RALGPS2: variants seen among roughly 807,000 people sequenced by gnomAD.
RALGPS2 encodes Ral GEF with PH domain and SH3 binding motif 2.
In RALGPS2, 43 loss-of-function variants were observed where a neutral mutation model predicts 86.8. The observed-to-expected ratio is 0.50, with a 90% confidence interval of 0.39 to 0.64. The LOEUF (loss-of-function observed/expected upper bound fraction) is 0.64, where lower values mean the gene tolerates loss of function less well. Ranked by LOEUF, RALGPS2 falls within the 30% of genes least tolerant of loss-of-function variation. The pLI, the probability that RALGPS2 is intolerant of heterozygous loss-of-function variation, is 0.00. For missense variants in RALGPS2, 536 were observed against 694.6 expected (o/e 0.77, Z 2.57); for synonymous variants, 243 against 231.3 (o/e 1.05, Z -0.46).
chr1:178,811,515 A>C (rs12131426), intron 6 of RALGPS2, 111 bp downstream of exon 6: 1 of 780,808 alleles, frequency 1.3e-6, no homozygotes, highest in Non-Finnish European at 2.0e-6. Context: ...GAAAAATAAG[A>C]CTCATTGATA....
At chr1:178,849,347 A>C (rs938683689) in intron 8 of RALGPS2, among the ~76,000 whole-genome samples, 1 of 152,228 alleles carries the variant, frequency 6.6e-6, no homozygotes, top group African/African-American at 2.4e-5. Flanking sequence ...AGAGTAAAAT[A>C]AATCAGCTCT....
chr1:178,753,327 A>G (rs970480076), intron 1 of RALGPS2, among the ~76,000 whole-genome samples: 3 of 152,120 alleles, frequency 2.0e-5, no homozygotes, highest in Non-Finnish European at 4.4e-5. Flanking sequence ...ATGATTCTCT[A>G]TGGTATTTGG....
At chr1:178,911,420 T>C (rs1660619177) in intron 19 of RALGPS2, among the ~76,000 whole-genome samples, 1 of 152,150 alleles carries the variant, frequency 6.6e-6, no homozygotes, top group South Asian at 2.1e-4. Context: ...GTCTCTGTTT[T>C]CCTTAGTTTT....
intron 1 of RALGPS2, among the ~76,000 whole-genome samples, chr1:178,751,296 T>G (rs1365982399): frequency 6.6e-6 from 1 of 152,182 alleles, no homozygotes; most frequent in Non-Finnish European, 1.5e-5. Flanking sequence ...CATTTTCTAC[T>G]TGTTAAGACT....
chr1:178,822,705 T>G (rs945286942), intron 7 of RALGPS2, among the ~76,000 whole-genome samples: 1 of 152,152 alleles, frequency 6.6e-6, no homozygotes, highest in African/African-American at 2.4e-5. Flanking sequence ...CTTTAAAAAT[T>G]CTTTTTAATA....
At chr1:178,772,426 A>G (rs774785972) in intron 1 of RALGPS2, among the ~76,000 whole-genome samples, 17 of 152,164 alleles carry the variant, frequency 1.1e-4, no homozygotes, top group Non-Finnish European at 2.4e-4. Context: ...GTTAACCTAT[A>G]TTCGTATTTT....
chr1:178,885,313 TC>T, intron 12 of RALGPS2, 102 bp downstream of exon 12: 3 of 1,184,174 alleles, frequency 2.5e-6, no homozygotes, highest in Non-Finnish European at 3.4e-6. Context: ...TGAATAGTTT[TC>T]TTTTTTCTTA....
intron 7 of RALGPS2, 63 bp downstream of exon 7, chr1:178,821,767 T>C (rs1655519680): frequency 1.6e-6 from 2 of 1,230,230 alleles, no homozygotes; most frequent in Admixed American, 1.9e-5. Flanking sequence ...GATATATTCA[T>C]TTCCTTTGTA....
At chr1:178,828,822 G>T (rs1452535657) in intron 7 of RALGPS2, among the ~76,000 whole-genome samples, 1 of 152,190 alleles carries the variant, frequency 6.6e-6, no homozygotes, top group Non-Finnish European at 1.5e-5. Context: ...TACAGTGTTG[G>T]TGGGAATGTA....
At chr1:178,745,722 TTA>T (rs1461134178) in intron 1 of RALGPS2, among the ~76,000 whole-genome samples, 1 of 152,188 alleles carries the variant, frequency 6.6e-6, no homozygotes, top group Non-Finnish European at 1.5e-5. Flanking sequence ...AAAATTATTT[TTA>T]GTTACAACAC....
chr1:178,730,839 T>A (rs528324434), intron 1 of RALGPS2, among the ~76,000 whole-genome samples: 1 of 152,044 alleles, frequency 6.6e-6, no homozygotes, highest in Non-Finnish European at 1.5e-5. Context: ...GTAGCTGGGA[T>A]TACAGGCATG....
chr1:178,880,226 ACTTC>A (rs1659185995), intron 10 of RALGPS2, among the ~76,000 whole-genome samples: 1 of 152,206 alleles, frequency 6.6e-6, no homozygotes, highest in African/African-American at 2.4e-5. Flanking sequence ...ATGATTATTA[ACTTC>A]CTTTTTCCAG....
At chr1:178,871,610 A>G (rs1658764484) in intron 8 of RALGPS2, among the ~76,000 whole-genome samples, 1 of 152,238 alleles carries the variant, frequency 6.6e-6, no homozygotes, top group Non-Finnish European at 1.5e-5. Flanking sequence ...GTCTTAAGAT[A>G]AAACAGCCTT....
chr1:178,825,065 G>A (rs1023929813), intron 7 of RALGPS2, among the ~76,000 whole-genome samples: 1 of 152,088 alleles, frequency 6.6e-6, no homozygotes, highest in Admixed American at 6.5e-5. Context: ...CTAAGAAAAC[G>A]TAATAGGTTT....
intron 8 of RALGPS2, among the ~76,000 whole-genome samples, chr1:178,866,464 C>A (rs1053836902): frequency 6.6e-6 from 1 of 152,086 alleles, no homozygotes; most frequent in African/African-American, 2.4e-5. Flanking sequence ...ATAGAATGCT[C>A]ACAGTCATTG....
chr1:178,756,354 A>G (rs1318409872), intron 1 of RALGPS2, among the ~76,000 whole-genome samples: 2 of 152,146 alleles, frequency 1.3e-5, no homozygotes, highest in Non-Finnish European at 2.9e-5. Context: ...AGGTAGGGGT[A>G]TAATTTCATT....
At chr1:178,832,775 C>T (rs1191333434) in intron 7 of RALGPS2, among the ~76,000 whole-genome samples, 1 of 149,306 alleles carries the variant, frequency 6.7e-6, no homozygotes, top group Admixed American at 6.7e-5. Flanking sequence ...GGGTGACTGA[C>T]TTTGCTTTTT....
At chr1:178,768,824 CCTT>C (rs1178865178) in intron 1 of RALGPS2, among the ~76,000 whole-genome samples, 3 of 152,126 alleles carry the variant, frequency 2.0e-5, no homozygotes, top group African/African-American at 7.2e-5. Flanking sequence ...TGAGAAACCT[CCTT>C]GACCCCAAGT....
chr1:178,745,986 T>A (rs1347084217), intron 1 of RALGPS2, among the ~76,000 whole-genome samples: 1 of 152,010 alleles, frequency 6.6e-6, no homozygotes, highest in Non-Finnish European at 1.5e-5. Flanking sequence ...CATACCTGGC[T>A]AATTTTTGTA....
Sources: gnomAD v4.1 joint callset for allele counts (sites outside exome capture counted in the v4.1 genomes callset) on GRCh38, gnomAD v4.1.1 for gene constraint, MANE v1.5 for transcripts, NCBI Gene and HGNC (gene_info 2026-07-23, HGNC 2026-07-21) for gene names.